The following CADM2 variants were observed in gnomAD, a reference collection of about 807,000 sequenced individuals.
The protein encoded by CADM2 is immunoglobulin superfamily member 4D.
In CADM2, 12 loss-of-function variants were observed where a neutral mutation model predicts 49.8. That is an observed-to-expected ratio of 0.24 (90% confidence interval 0.15 to 0.39). CADM2 has a LOEUF of 0.39. CADM2 is among the 10% of genes least tolerant of loss of function. CADM2 has a pLI of 1.00. For missense variants in CADM2, 378 were observed against 492.3 expected, an observed-to-expected ratio of 0.77 and a Z score of 2.20; for synonymous variants, 214 against 175.4, an observed-to-expected ratio of 1.22 and a Z score of -1.74.
intron 3 of CADM2, among the ~76,000 whole-genome samples, chr3:85,834,789 T>C (rs1184380379): frequency 6.6e-6 from 1 of 151,198 alleles, no homozygotes; most frequent in African/African-American, 2.4e-5. Flanking sequence ...AGAATAAGCA[T>C]TCATCAGGAG....
intron 1 of CADM2, among the ~76,000 whole-genome samples, chr3:85,423,021 A>T (rs2036244920): frequency 6.6e-6 from 1 of 152,114 alleles, no homozygotes; most frequent in South Asian, 2.1e-4. Context: ...ACTTGAAGGA[A>T]GGTGAATGCA....
At chr3:85,107,073 T>C (rs938480520) in intron 1 of CADM2, among the ~76,000 whole-genome samples, 1 of 152,092 alleles carries the variant, frequency 6.6e-6, no homozygotes, top group Non-Finnish European at 1.5e-5. Context: ...ACAAGGAAGA[T>C]ACAGTGTCAT....
chr3:85,574,108 G>A (rs768085186), intron 1 of CADM2, among the ~76,000 whole-genome samples: 22 of 152,250 alleles, frequency 1.4e-4, no homozygotes, highest in East Asian at 1.4e-3. Flanking sequence ...ACTTTGTTAG[G>A]TTGAAGGGTT....
At chr3:85,553,478 C>T (rs1166466730) in intron 1 of CADM2, among the ~76,000 whole-genome samples, 3 of 152,032 alleles carry the variant, frequency 2.0e-5, no homozygotes, top group Non-Finnish European at 4.4e-5. Flanking sequence ...TCACTTGGAA[C>T]AAATACTTAT....
intron 8 of CADM2, among the ~76,000 whole-genome samples, chr3:85,962,723 T>C (rs911123786): frequency 3.3e-5 from 5 of 151,890 alleles, no homozygotes; most frequent in African/African-American, 1.2e-4. Context: ...ATTGCGAATC[T>C]CCACTAGGAA....
intron 1 of CADM2, among the ~76,000 whole-genome samples, chr3:85,100,662 T>C (rs1354037464): frequency 1.3e-5 from 2 of 152,318 alleles, no homozygotes; most frequent in East Asian, 3.9e-4. Context: ...AACTTTATAT[T>C]CTAAAAAACG....
chr3:85,465,241 C>T (rs1418099118), intron 1 of CADM2, among the ~76,000 whole-genome samples: 2 of 152,132 alleles, frequency 1.3e-5, no homozygotes, highest in Non-Finnish European at 2.9e-5. Flanking sequence ...TATTAACAAG[C>T]AAATCAGATC....
intron 1 of CADM2, among the ~76,000 whole-genome samples, chr3:84,982,134 G>A (rs73843250): frequency 0.016 from 2,464 of 152,232 alleles, 70 homozygotes; most frequent in African/African-American, 0.056. Flanking sequence ...CTTTTGAATA[G>A]TGTGGATTTG....
chr3:85,405,132 C>G (rs1482297920), intron 1 of CADM2, among the ~76,000 whole-genome samples: 1 of 151,956 alleles, frequency 6.6e-6, no homozygotes, highest in Non-Finnish European at 1.5e-5. Context: ...AAAAAGTTAG[C>G]TATTTGGGGT....
chr3:85,991,743 A>C (rs964499383), intron 8 of CADM2, among the ~76,000 whole-genome samples: 2 of 152,152 alleles, frequency 1.3e-5, no homozygotes, highest in Non-Finnish European at 2.9e-5. Flanking sequence ...TTACTATAAA[A>C]ATTTATTAAG....
At chr3:85,054,942 T>A (rs780860950) in intron 1 of CADM2, among the ~76,000 whole-genome samples, 14 of 151,906 alleles carry the variant, frequency 9.2e-5, no homozygotes, top group Non-Finnish European at 1.8e-4. Flanking sequence ...GAAAAATGAT[T>A]ATGACTACCA....
chr3:85,105,935 G>C (rs1323011961), intron 1 of CADM2, among the ~76,000 whole-genome samples: 1 of 151,682 alleles, frequency 6.6e-6, no homozygotes, highest in Non-Finnish European at 1.5e-5. Flanking sequence ...CACACTCTGG[G>C]GACTGTGGTG....
chr3:85,561,272 A>AT (rs1197057028), intron 1 of CADM2, among the ~76,000 whole-genome samples: 6 of 152,088 alleles, frequency 3.9e-5, no homozygotes, highest in South Asian at 4.1e-4. Context: ...ATGTTGCTTA[A>AT]TTTTTTTAAC....
intron 1 of CADM2, among the ~76,000 whole-genome samples, chr3:85,335,303 C>T (rs746604743): frequency 6.6e-6 from 1 of 151,386 alleles, no homozygotes; most frequent in African/African-American, 2.4e-5. Context: ...TACTTTATAT[C>T]GGGGTAGCAT....
intron 1 of CADM2, among the ~76,000 whole-genome samples, chr3:85,696,688 TA>T (rs1189560319): frequency 6.6e-6 from 1 of 152,040 alleles, no homozygotes; most frequent in Non-Finnish European, 1.5e-5. Context: ...ATTTTTTCTT[TA>T]TTTTTATTAA....
At chr3:85,564,457 C>T (rs1402455074) in intron 1 of CADM2, among the ~76,000 whole-genome samples, 1 of 151,988 alleles carries the variant, frequency 6.6e-6, no homozygotes, top group Admixed American at 6.6e-5. Flanking sequence ...AACAACATAG[C>T]TAACATCCTT....
At chr3:85,265,095 C>T (rs2043093083) in intron 1 of CADM2, among the ~76,000 whole-genome samples, 1 of 151,912 alleles carries the variant, frequency 6.6e-6, no homozygotes, top group Non-Finnish European at 1.5e-5. Flanking sequence ...TATTGCTGGG[C>T]TCCTATTGTA....
chr3:85,031,328 G>T (rs906114662), intron 1 of CADM2, among the ~76,000 whole-genome samples: 1 of 152,170 alleles, frequency 6.6e-6, no homozygotes, highest in Non-Finnish European at 1.5e-5. Flanking sequence ...GAGAAGGCTG[G>T]AAGGTGAATG....
At chr3:85,009,338 T>C (rs1040571153) in intron 1 of CADM2, among the ~76,000 whole-genome samples, 2 of 152,110 alleles carry the variant, frequency 1.3e-5, no homozygotes, top group African/African-American at 2.4e-5. Flanking sequence ...AATATACAGG[T>C]AATTTGGTGG....
Sources: gnomAD v4.1 joint callset for allele counts (sites outside exome capture counted in the v4.1 genomes callset) on GRCh38, gnomAD v4.1.1 for gene constraint, MANE v1.5 for transcripts, NCBI Gene and HGNC (gene_info 2026-07-23, HGNC 2026-07-21) for gene names.